WDFY4: variants seen among roughly 807,000 people sequenced by gnomAD.
WDFY4 encodes WD repeat- and FYVE domain-containing protein 4.
Under a neutral mutation model 351.9 loss-of-function variants are expected in WDFY4, and 169 were observed. The ratio of observed to expected loss-of-function variants is 0.48; its 90% CI spans 0.42 to 0.55. The LOEUF (loss-of-function observed/expected upper bound fraction) is 0.55. Among genes scored for constraint, WDFY4 ranks in the 20% least tolerant of loss-of-function variants. The pLI, the probability that WDFY4 is intolerant of heterozygous loss-of-function variation, is 0.00. For synonymous variants in WDFY4, 1,622 were observed against 1,574.6 expected, an observed-to-expected ratio of 1.03 and a Z score of -0.71; for missense variants, 3,803 against 3,935.6, an observed-to-expected ratio of 0.97 and a Z score of 0.90.
intron 31 of WDFY4, among the ~76,000 whole-genome samples, chr10:48,815,604 G>A (rs1238163833): frequency 6.6e-6 from 1 of 152,084 alleles, no homozygotes; most frequent in Non-Finnish European, 1.5e-5. Flanking sequence ...CACCACAGGT[G>A]TGCACCACCA....
intron 1 of WDFY4, among the ~76,000 whole-genome samples, chr10:48,696,838 T>C (rs1159234927): frequency 1.3e-5 from 2 of 152,256 alleles, no homozygotes; most frequent in Non-Finnish European, 2.9e-5. Context: ...GGACACCCTC[T>C]CACATATGTT....
At chr10:48,786,514 T>A in intron 19 of WDFY4, 125 bp from the exon 20 acceptor site, 1 of 770,836 alleles carries the variant, frequency 1.3e-6, no homozygotes, top group Admixed American at 3.5e-5. Flanking sequence ...ATATTTTAGT[T>A]TTTTAGATAA....
At chr10:48,851,362 G>A (rs1381275435) in intron 39 of WDFY4, among the ~76,000 whole-genome samples, 6 of 152,212 alleles carry the variant, frequency 3.9e-5, no homozygotes, top group Admixed American at 3.9e-4. Flanking sequence ...GGTGAAAAAT[G>A]TCCACTATTT....
At chr10:48,969,271 G>T (rs1055519880) in intron 56 of WDFY4, 23 bp downstream of exon 56, 1 of 1,549,534 alleles carries the variant, frequency 6.5e-7, no homozygotes, top group Non-Finnish European at 8.7e-7. Flanking sequence ...CAGGGAGCAG[G>T]GGCAGCCTCA....
chr10:48,696,082 C>G (rs2063323238), intron 1 of WDFY4, among the ~76,000 whole-genome samples: 1 of 152,194 alleles, frequency 6.6e-6, no homozygotes, highest in South Asian at 2.1e-4. Flanking sequence ...CTGGAAAACA[C>G]CTGCATTGCC....
Position 48,816,867 on chromosome 10 carries a change from CA to C in WDFY4, c.5341-375del, listed in dbSNP as rs556389963. Among the ~76,000 whole-genome samples the C allele has an allele frequency of 2.4e-4, 36 of 152,236 alleles. 2 individuals carry two copies. The South Asian group carries it at 7.3e-3, about 31-fold the overall frequency. ...AACATGTATGTATATACAACAATAA[CA>C]AAGTTACTCAGTGAGTTTGGTACAA... is the stretch of plus-strand genomic sequence containing the variant. On this transcript the variant is annotated intron_variant, in intron 31 of 61. Transcript: ENST00000325239.
chr10:48,897,123 C>T (rs1430433834), intron 44 of WDFY4, among the ~76,000 whole-genome samples: 1 of 152,182 alleles, frequency 6.6e-6, no homozygotes, highest in Non-Finnish European at 1.5e-5. Flanking sequence ...CTCACCCCGA[C>T]CCTCATACCC....
chr10:48,939,887 C>T (rs1056258088), intron 47 of WDFY4, among the ~76,000 whole-genome samples: 3 of 152,164 alleles, frequency 2.0e-5, no homozygotes, highest in African/African-American at 7.2e-5. Flanking sequence ...CACCATTCCA[C>T]CTGATAGTAA....
chr10:48,812,179 C>CTTTTTTTTTTTTT (rs1355851618), intron 30 of WDFY4, among the ~76,000 whole-genome samples: 3 of 134,552 alleles, frequency 2.2e-5, no homozygotes, highest in African/African-American at 9.4e-5. Context: ...TCTTTCTTTT[C>CTTTTTTTTTTTTT]TTTTTTTTTT....
intron 10 of WDFY4, 146 bp downstream of exon 10, chr10:48,734,181 G>A: frequency 1.5e-6 from 1 of 682,966 alleles, no homozygotes; most frequent in South Asian, 1.9e-5. Context: ...CTTGGCCGAT[G>A]TTCAGTGATC....
At chr10:48,841,137 A>G (rs1175535806) in intron 39 of WDFY4, among the ~76,000 whole-genome samples, 1 of 152,200 alleles carries the variant, frequency 6.6e-6, no homozygotes, top group African/African-American at 2.4e-5. Context: ...AGAGCAACAC[A>G]GTTTTTGTTT....
intron 13 of WDFY4, among the ~76,000 whole-genome samples, chr10:48,760,697 AC>A (rs1375595891): frequency 2.0e-5 from 3 of 152,198 alleles, no homozygotes; most frequent in African/African-American, 7.2e-5. Flanking sequence ...CAACAGCCAA[AC>A]AAAAAAACAA....
intron 13 of WDFY4, 72 bp from the exon 14 acceptor site, chr10:48,774,386 T>C (rs968173213): frequency 6.7e-7 from 1 of 1,493,848 alleles, no homozygotes; most frequent in African/African-American, 1.4e-5. Flanking sequence ...CCAGGCCAAG[T>C]TGGAGCCTAT....
intron 19 of WDFY4, among the ~76,000 whole-genome samples, chr10:48,785,382 C>T (rs1319744924): frequency 6.6e-6 from 1 of 152,050 alleles, no homozygotes; most frequent in East Asian, 1.9e-4. Context: ...TTATATGACT[C>T]ATGCTTTTGG....
chr10:48,838,508 G>A (rs146929273), intron 39 of WDFY4, among the ~76,000 whole-genome samples: 31 of 152,212 alleles, frequency 2.0e-4, no homozygotes, highest in African/African-American at 6.5e-4. Context: ...TGAGGTCCTC[G>A]GTGAGGGAAA....
At chr10:48,886,686 G>C (rs1036122731) in intron 43 of WDFY4, among the ~76,000 whole-genome samples, 1 of 152,172 alleles carries the variant, frequency 6.6e-6, no homozygotes, top group African/African-American at 2.4e-5. Flanking sequence ...AAATTACCCA[G>C]TCTGGGGTAT....
intron 39 of WDFY4, among the ~76,000 whole-genome samples, chr10:48,846,497 AG>A (rs1303413618): frequency 2.0e-5 from 3 of 152,234 alleles, no homozygotes; most frequent in Admixed American, 6.5e-5. Context: ...GGGTTTGCAC[AG>A]GGCCTGAACT....
At position 48,897,474 on chromosome 10, in the gene WDFY4, T is replaced by G. The variant is rs540485659; in HGVS notation, c.7337T>G (p.Phe2446Cys). The G allele has an allele frequency of 6.4e-6, 10 of 1,551,780 alleles. No individual in the cohort carries two copies. Among genetic ancestry groups the G allele is most frequent in the Non-Finnish European group, 8.7e-7 (1 of 1,146,998 alleles). The change falls in exon 45 of 62, where the codon TTC becomes TGC. Residue 2446 changes from phenylalanine (F) to cysteine (C), a missense_variant. This residue lies in a region of WDFY4 where 3,054 missense variants were observed against 3,148.6 expected (regional missense o/e 0.97). Transcript: ENST00000325239. ...TTCAGCATCAGCGATCCGTTCATTT[T>G]CAACCTGTGCAGCAAAGACAGGTCC... Reference protein sequence around the residue: ...CLSNISDPFIFNLCSKDRSTD... With the variant: ...CLSNISDPFICNLCSKDRSTD...
At chr10:48,748,146 A>C (rs1178198477) in intron 12 of WDFY4, among the ~76,000 whole-genome samples, 1 of 152,184 alleles carries the variant, frequency 6.6e-6, no homozygotes, top group Non-Finnish European at 1.5e-5. Context: ...TTGGTGTGGA[A>C]ACTTGTTTGA....
Sources: gnomAD v4.1 joint callset for allele counts (sites outside exome capture counted in the v4.1 genomes callset) on GRCh38, gnomAD v4.1.1 for gene constraint, gnomAD v4.1.1 regional missense constraint, MANE v1.5 for transcripts, NCBI Gene and HGNC (gene_info 2026-07-23, HGNC 2026-07-21) for gene names.